SMYD2: variants seen among roughly 807,000 people sequenced by gnomAD.
SMYD2 encodes SET and MYND domain containing 2, also known as N-lysine methyltransferase SMYD2.
A neutral mutation model predicts 59.1 loss-of-function variants in SMYD2; 53 were observed. That is an observed-to-expected ratio of 0.90 (90% CI 0.72 to 1.13). SMYD2 has a LOEUF of 1.13. SMYD2 is among the 50% of genes most tolerant of loss of function. SMYD2 has a pLI of 0.00. For missense variants in SMYD2, 494 were observed against 544.7 expected (o/e 0.91, Z 0.93); for synonymous variants, 208 against 198.8 (o/e 1.05, Z -0.39).
In SMYD2 at chr1:214,332,016, A is replaced by G. The variant is rs1192499654; in HGVS notation, c.938-2A>G. The G allele has an allele frequency of 1.2e-6, 2 of 1,611,434 alleles. No homozygotes were observed. Among genetic ancestry groups the G allele is most frequent in the East Asian group, 2.2e-5 (1 of 44,828 alleles). On this transcript the variant is annotated splice_acceptor_variant, in intron 9 of 11. Transcript: ENST00000366957. LOFTEE classifies it high-confidence loss of function. The stretch of plus-strand genomic sequence containing the variant: ...GTGGCCCTTTCCTTGACTCCACAGC[A>G]CCCCCTAGTGAGCTGCTGGAGATCT...
At chr1:214,316,883 A>G (rs1317331980) in intron 3 of SMYD2, among the ~76,000 whole-genome samples, 1 of 152,188 alleles carries the variant, frequency 6.6e-6, no homozygotes, top group African/African-American at 2.4e-5. Context: ...TTTGGGCTGA[A>G]TAAGTCAGAG....
chr1:214,336,632 TAA>T lies in SMYD2; in HGVS notation c.1222-70_1222-69del, dbSNP rs1657443662. ...TGCCTTAAAGCAGAGAGATCCAACT[TAA>T]AGTTACCCTGGGTGGAGGTGTGAGG... On this transcript the variant is annotated intron_variant, in intron 11 of 11. Coordinates refer to ENST00000366957, the MANE Select transcript of SMYD2 (RefSeq NM_020197.3). The T allele has an allele frequency of 4.2e-6, 6 of 1,437,360 alleles. No individual in the cohort carries two copies. The Admixed American group carries it at 5.7e-5, about 14-fold the overall frequency. 89.0% of individuals were successfully genotyped at this position (1,437,360 alleles called of 1,614,324 possible).
chr1:214,295,633 T>G (rs1331486416), intron 1 of SMYD2, among the ~76,000 whole-genome samples: 3 of 152,254 alleles, frequency 2.0e-5, no homozygotes, highest in African/African-American at 2.4e-5. Context: ...TTAACAAGCC[T>G]CAGAACAAAG....
Position 214,318,190 on chromosome 1 carries a change from A to T in SMYD2, c.409+51A>T. The stretch of plus-strand genomic sequence containing the variant: ...CAGTTCTCTCAGCCACAGATTTCAC[A>T]TGGGTTGGGCAGGATTGAAGCGAGG... On this transcript the variant is annotated intron_variant, in intron 4 of 11. Transcript: ENST00000366957. This position sits in a 1 kb window ranked among gnomAD's most constrained non-coding sequence, Gnocchi z 5.4. The T allele has an allele frequency of 6.4e-7, 1 of 1,568,544 alleles. No individual in the cohort carries two copies. The highest frequency in any genetic ancestry group is 1.1e-5 in the South Asian group (1 of 89,014).
chr1:214,296,297 T>G (rs1439892674), intron 1 of SMYD2, among the ~76,000 whole-genome samples: 1 of 152,278 alleles, frequency 6.6e-6, no homozygotes, highest in African/African-American at 2.4e-5. Context: ...TCTCCTCCAG[T>G]AGGAAATGAC....
At position 214,296,182 on chromosome 1, in the gene SMYD2, C is replaced by T. The variant is rs6678360; in HGVS notation, c.174-9005C>T. On this transcript the variant is annotated intron_variant, in intron 1 of 11. Transcript: ENST00000366957. ...ATCCTTTTGATCTAGACCAACAGCA[C>T]CTGCGGCAACGCATTAACTAGCAGG... 6.7e-3 allele frequency among the ~76,000 whole-genome samples: 1,017 copies of T among 152,336 alleles called. 19 individuals carry two copies. The highest frequency in any genetic ancestry group is 0.023 in the African/African-American group (965 of 41,562).
rs1468913490 is a variant in SMYD2, at chr1:214,330,289, T to C, written c.816+11T>C. 6.3e-7 allele frequency: 1 copy of C among 1,585,826 alleles called. No homozygotes were observed. The highest frequency in any genetic ancestry group is 1.7e-5 in the Admixed American group (1 of 59,116). On this transcript the variant is annotated intron_variant, in intron 8 of 11. Transcript: ENST00000366957. ...ACCACCAAGGACAAGGTAAGGTTGT[T>C]CATTGGGCAAGAGCGCTGACTGCAC...
chr1:214,305,113 G>T, intron 1 of SMYD2, 74 bp from the exon 2 acceptor site: 4 of 1,425,928 alleles, frequency 2.8e-6, no homozygotes, highest in Non-Finnish European at 4.0e-6. Context: ...AGTGGCTTTT[G>T]TTGTTGCATG....
intron 1 of SMYD2, among the ~76,000 whole-genome samples, chr1:214,285,675 T>C (rs1371819790): frequency 6.8e-6 from 1 of 147,836 alleles, no homozygotes; most frequent in African/African-American, 2.6e-5. Context: ...ACTTTCCACC[T>C]TTCAGTATTT....
At chr1:214,281,479 G>T in intron 1 of SMYD2, 52 bp downstream of exon 1, 3 of 1,281,486 alleles carry the variant, frequency 2.3e-6, no homozygotes, top group Non-Finnish European at 2.0e-6. Context: ...CGCCGAGCGG[G>T]AGGCTTGGAC....
intron 3 of SMYD2, among the ~76,000 whole-genome samples, chr1:214,317,768 G>A (rs377161672): frequency 2.6e-4 from 40 of 152,266 alleles, no homozygotes; most frequent in Admixed American, 5.9e-4. Flanking sequence ...TGTAGACCCA[G>A]TCCTTTTAAG....
rs146825577 is a variant in SMYD2 at position 214,318,962 on chromosome 1, C to T, written c.513C>T (p.Ser171=). The T allele has an allele frequency of 2.2e-5, 36 of 1,613,942 alleles. No homozygotes were observed. The highest frequency in any genetic ancestry group is 3.0e-5 in the Non-Finnish European group (35 of 1,180,016). ...SKHLGFPDND[S]LVVLFAQVNC... Reference sequence around the variant, plus strand: ...ATCTCGGATTCCCTGACAATGATAGCCTCGTAGTACTCTTTGCACAGGTAA... The same window carrying T: ...ATCTCGGATTCCCTGACAATGATAGTCTCGTAGTACTCTTTGCACAGGTAA... The change falls in exon 5 of 12, where the codon AGC becomes AGT. Residue 171 remains serine, a synonymous_variant. Coordinates refer to ENST00000366957, the MANE Select transcript of SMYD2 (RefSeq NM_020197.3). The surrounding 1 kb of genome is among the most constrained non-coding windows in gnomAD (Gnocchi z 5.4).
chr1:214,330,050 C>T, intron 7 of SMYD2, 118 bp from the exon 8 acceptor site: 1 of 584,962 alleles, frequency 1.7e-6, no homozygotes, highest in Non-Finnish European at 2.9e-6. Flanking sequence ...GCGCATTCCT[C>T]CGCTGCAGCC....
At chr1:214,307,882 A>G (rs928661259) in intron 2 of SMYD2, among the ~76,000 whole-genome samples, 1 of 152,236 alleles carries the variant, frequency 6.6e-6, no homozygotes, top group African/African-American at 2.4e-5. Context: ...CTCTACAACA[A>G]GAAGTTGAAC....
rs58012666 is a variant in SMYD2, at chr1:214,293,011, T to TTGTGTG, written c.173+11636_173+11641dup. Among the ~76,000 whole-genome samples, 4 of 137,346 alleles carry TTGTGTG rather than the reference T, an allele frequency of 2.9e-5. 1 individual carries two copies. The highest frequency in any genetic ancestry group is 2.6e-4 in the South Asian group (1 of 3,820). The allele number at this position is 137,346 out of a possible 152,430, so 90.1% of individuals were successfully genotyped here. On this transcript the variant is annotated intron_variant, in intron 1 of 11. Transcript: ENST00000366957. ...TTTCCAAAGCTTTATCTTTTTCTGT[T>TTGTGTG]TGTGTGTGTGTGTGTGTGTGTGTGT...
At chr1:214,306,882 A>C (rs547929023) in intron 2 of SMYD2, among the ~76,000 whole-genome samples, 42 of 152,274 alleles carry the variant, frequency 2.8e-4, no homozygotes, top group African/African-American at 9.6e-4. Context: ...TGAAACTGGC[A>C]AGTTATGGCT....
chr1:214,294,948 A>G (rs183792027), intron 1 of SMYD2, among the ~76,000 whole-genome samples: 46 of 152,316 alleles, frequency 3.0e-4, no homozygotes, highest in African/African-American at 1.0e-3. Context: ...TAATCACGTG[A>G]GTTTTATGCA....
Position 214,305,212 on chromosome 1 carries a change from A to G in SMYD2, c.199A>G (p.Arg67Gly), listed in dbSNP as rs1656897427. 1 of 1,614,234 alleles carries G rather than the reference A, an allele frequency of 6.2e-7. No homozygotes were observed. The highest frequency in any genetic ancestry group is 8.5e-7 in the Non-Finnish European group (1 of 1,180,028). The stretch of plus-strand genomic sequence containing the variant: ...GAAAGAAGGATTGTCCAAATGTGGA[A>G]GATGCAAGCAGGCATTTTACTGCAA... ...TRKEGLSKCGRCKQAFYCNVE... is the reference protein window; with the variant it reads ...TRKEGLSKCGGCKQAFYCNVE... The change falls in exon 2 of 12, where the codon AGA (arginine) becomes GGA (glycine). Residue 67 changes from arginine to glycine, a missense_variant. By Grantham distance (125) the Arg-to-Gly change is moderately radical. Transcript: ENST00000366957.
At chr1:214,307,173 CAAAA>C (rs1028169144) in intron 2 of SMYD2, among the ~76,000 whole-genome samples, 3 of 152,270 alleles carry the variant, frequency 2.0e-5, no homozygotes, top group African/African-American at 2.4e-5. Flanking sequence ...AATTCTGTCT[CAAAA>C]GAAAGAAAGA....
Sources: gnomAD v4.1 joint callset for allele counts (sites outside exome capture counted in the v4.1 genomes callset) on GRCh38, gnomAD v4.1.1 for gene constraint, Gnocchi (gnomAD v3.1) non-coding constraint, MANE v1.5 for transcripts, NCBI Gene and HGNC (gene_info 2026-07-23, HGNC 2026-07-21) for gene names.